Variants in CPLANE1 observed in about 807,000 individuals in gnomAD.
CPLANE1 encodes the protein ciliogenesis and planar polarity effector 1.
Under a neutral mutation model 362.5 loss-of-function variants are expected in CPLANE1, and 263 were observed. The observed-to-expected ratio is 0.73, with a 90% CI of 0.66 to 0.80. The LOEUF is 0.80. CPLANE1 is among the 30% of genes least tolerant of loss of function. The probability of loss-of-function intolerance (pLI) is 0.00; values close to 1 mark genes in which losing one functional copy is unlikely to be tolerated. For missense variants in CPLANE1, 3,461 were observed against 3,793.4 expected (o/e 0.91, Z 2.30); for synonymous variants, 1,212 against 1,302.6 (o/e 0.93, Z 1.50).
intron 16 of CPLANE1, among the ~76,000 whole-genome samples, chr5:37,213,355 T>A (rs1422909758): frequency 1.3e-5 from 2 of 152,228 alleles, no homozygotes; most frequent in Non-Finnish European, 2.9e-5. Flanking sequence ...ATTTTGTGAT[T>A]TTAAAAAGCC....
At chr5:37,160,930 C>T (rs1776698969) in intron 38 of CPLANE1, among the ~76,000 whole-genome samples, 1 of 152,162 alleles carries the variant, frequency 6.6e-6, no homozygotes, top group Admixed American at 6.5e-5. Context: ...CTCAGCCTCC[C>T]AAAGTGCTGG....
At chr5:37,241,695 G>A (rs1186111536) in intron 6 of CPLANE1, among the ~76,000 whole-genome samples, 1 of 152,074 alleles carries the variant, frequency 6.6e-6, no homozygotes, top group African/African-American at 2.4e-5. Context: ...GGCACGATTT[G>A]AACTCACTGC....
the CPLANE1 span, among the ~76,000 whole-genome samples, chr5:37,088,528 G>A: frequency 6.6e-6 from 1 of 152,192 alleles, no homozygotes; most frequent in African/African-American, 2.4e-5. Flanking sequence ...TGTCCCCAAT[G>A]TAGGAAGGGG....
At chr5:37,139,518 T>C (rs1212540994) in intron 44 of CPLANE1, 148 bp from the exon 45 acceptor site, 2 of 1,138,994 alleles carry the variant, frequency 1.8e-6, no homozygotes, top group Non-Finnish European at 2.2e-6. Flanking sequence ...ACAGCATATT[T>C]ATCCTCTTCC....
At chr5:37,123,740 G>A (rs778416907) in intron 47 of CPLANE1, among the ~76,000 whole-genome samples, 15 of 151,882 alleles carry the variant, frequency 9.9e-5, no homozygotes, top group Non-Finnish European at 1.9e-4. Context: ...TGCCTAGGCT[G>A]GTCTTGAACT....
In CPLANE1 at chr5:37,226,587, G is replaced by C. The variant is rs1410489854; in HGVS notation, c.2008C>G (p.Leu670Val). The C allele has an allele frequency of 5.8e-6, 9 of 1,550,990 alleles. No homozygotes were observed. In the Admixed American group the frequency reaches 1.6e-4, roughly 27 times the overall value. The change falls in exon 12 of 53, where the codon CTT becomes GTT. Residue 670 changes from leucine to valine, a missense_variant. Physicochemically the swap from Leu to Val is conservative, Grantham distance 32. This residue lies in a region of CPLANE1 where 3,380 missense variants were observed against 3,666.1 expected (regional missense o/e 0.92). Coordinates refer to ENST00000651892, the MANE Select transcript of CPLANE1 (RefSeq NM_001384732.1). The part of the protein sequence containing the change: ...LIKLTSNTVK[L>V]LLTQQQKGQL... ...CCCTTTTGTTGCTGAGTCAGCAAAAGTTTTACAGTATTTGAGGTCAGCTTT... is the reference window on the plus strand; with the variant it reads ...CCCTTTTGTTGCTGAGTCAGCAAAACTTTTACAGTATTTGAGGTCAGCTTT...
rs1420709619 is a variant in CPLANE1, at chr5:37,224,668, A to G, written c.2364T>C (p.Pro788=). ...WYQAQLNRRV[P]EADSQLTEKM... is the part of the protein sequence containing the mutation. The stretch of plus-strand genomic sequence containing the variant: ...TTTCAGTTAACTGACTATCAGCTTC[A>G]GGAACTCTTCGATTTAATTGTGCTT... Residue 788 remains proline (P), a synonymous_variant, in exon 13 of 53, where the codon CCT becomes CCC. Transcript: ENST00000651892. The G allele has an allele frequency of 3.2e-6, 5 of 1,551,474 alleles. No individual in the cohort carries two copies. The highest frequency in any genetic ancestry group is 1.4e-5 in the African/African-American group (1 of 73,050).
At chr5:37,140,852 G>A (rs1016757965) in intron 44 of CPLANE1, 5 of 968,434 alleles carry the variant, frequency 5.2e-6, no homozygotes, top group Non-Finnish European at 6.1e-6. Context: ...ATTTATGCAT[G>A]GACTTTTTTT....
intron 14 of CPLANE1, among the ~76,000 whole-genome samples, chr5:37,221,905 T>C (rs1795434234): frequency 6.6e-6 from 1 of 152,184 alleles, no homozygotes; most frequent in Non-Finnish European, 1.5e-5. Context: ...ATTCTTATCA[T>C]CTTAACATTA....
At chr5:37,163,199 T>C (rs1221613777) in intron 37 of CPLANE1, among the ~76,000 whole-genome samples, 5 of 152,112 alleles carry the variant, frequency 3.3e-5, no homozygotes, top group Admixed American at 3.3e-4. Context: ...TAGGTTTGAG[T>C]GGATATACCT....
Position 37,221,419 on chromosome 5 carries a change from T to C in CPLANE1, c.2651A>G (p.Tyr884Cys), listed in dbSNP as rs2150361267. The C allele has an allele frequency of 1.3e-6, 2 of 1,539,200 alleles. No homozygotes were observed. Among genetic ancestry groups the C allele is most frequent in the South Asian group, 2.5e-5 (2 of 81,604 alleles). ...LSLLYCHLYS[Y>C]NLNDAQGLCD... ...CAATCCTTGAGCATCATTTAAATTA[T>C]AGCTATAGAGGTGGCAGTATAAGAG... is the stretch of plus-strand genomic sequence containing the variant. Residue 884 changes from tyrosine (Y) to cysteine (C), a missense_variant, in exon 15 of 53, where the codon TAT (tyrosine) becomes TGT (cysteine). Tyr to Cys is a radical substitution (Grantham distance 194). This residue lies in a region of CPLANE1 where 3,380 missense variants were observed against 3,666.1 expected (regional missense o/e 0.92). Coordinates refer to ENST00000651892, the MANE Select transcript of CPLANE1 (RefSeq NM_001384732.1).
intron 15 of CPLANE1, among the ~76,000 whole-genome samples, chr5:37,220,898 A>G (rs929162878): frequency 6.6e-6 from 1 of 152,370 alleles, no homozygotes; most frequent in African/African-American, 2.4e-5. Flanking sequence ...AATAGTTAAC[A>G]TACTAAGGAA....
intron 21 of CPLANE1, among the ~76,000 whole-genome samples, chr5:37,194,921 G>A (rs1786843082): frequency 6.6e-6 from 1 of 151,956 alleles, no homozygotes; most frequent in African/African-American, 2.4e-5. Flanking sequence ...GGGAGGCCGA[G>A]GCAGGTGGAT....
chr5:37,095,641 C>T, the CPLANE1 span, among the ~76,000 whole-genome samples: 2 of 152,128 alleles, frequency 1.3e-5, no homozygotes, highest in South Asian at 2.1e-4. Flanking sequence ...GTCAAACTGT[C>T]GCTGTTTGCT....
chr5:37,110,087 A>T lies in CPLANE1; in HGVS notation c.9401-1616T>A, dbSNP rs537794047. Among the ~76,000 whole-genome samples the T allele has an allele frequency of 1.8e-4, 28 of 152,224 alleles. No individual in the cohort carries two copies. In the South Asian group the frequency reaches 5.8e-3, roughly 32 times the overall value. On this transcript the variant is annotated intron_variant, in intron 51 of 52. Transcript: ENST00000651892. ...GTTAAAACCCTAGCCCAAGCAATCT[A>T]TCCTTGTATGCCGTCTTCTGTTCTT...
chr5:37,243,941 C>T (rs1738602794), intron 5 of CPLANE1, among the ~76,000 whole-genome samples: 1 of 151,250 alleles, frequency 6.6e-6, no homozygotes. Flanking sequence ...ACCTCCGCCT[C>T]CCAGGTTCAA....
chr5:37,177,480 C>A (rs1219664876), intron 30 of CPLANE1, 141 bp downstream of exon 30: 1 of 642,054 alleles, frequency 1.6e-6, no homozygotes, highest in Non-Finnish European at 2.8e-6. Flanking sequence ...ATCATTTTAC[C>A]ATAACTATAA....
chr5:37,204,603 GA>G (rs1441989105), intron 18 of CPLANE1, among the ~76,000 whole-genome samples: 12 of 151,954 alleles, frequency 7.9e-5, no homozygotes, highest in African/African-American at 2.9e-4. Flanking sequence ...AGCTCCAAAA[GA>G]AAATGATACA....
chr5:37,165,705 C>A, intron 35 of CPLANE1, 34 bp from the exon 36 acceptor site: 1 of 1,550,768 alleles, frequency 6.4e-7, no homozygotes, highest in Non-Finnish European at 8.7e-7. Flanking sequence ...CATACTTTTA[C>A]AACTATAGCA....
Sources: gnomAD v4.1 joint callset for allele counts (sites outside exome capture counted in the v4.1 genomes callset) on GRCh38, gnomAD v4.1.1 for gene constraint, gnomAD v4.1.1 regional missense constraint, MANE v1.5 for transcripts, NCBI Gene and HGNC (gene_info 2026-07-23, HGNC 2026-07-21) for gene names.